Variants in DNAAF11 observed in about 807,000 individuals in gnomAD.
DNAAF11 encodes the protein dynein axonemal assembly factor 11.
In DNAAF11, 45 loss-of-function variants were observed where a neutral mutation model predicts 60.8. The ratio of observed to expected loss-of-function variants is 0.74; its 90% CI spans 0.58 to 0.95. The LOEUF (loss-of-function observed/expected upper bound fraction) is 0.95. Among genes scored for constraint, DNAAF11 ranks in the 40% least tolerant of loss-of-function variants. The pLI is 0.00. For missense variants in DNAAF11, 546 were observed against 546.2 expected (o/e 1.00, Z 0.00); for synonymous variants, 191 against 183.5 (o/e 1.04, Z -0.33).
chr8:132,589,037 T>G (rs1816196680), intron 10 of DNAAF11, among the ~76,000 whole-genome samples: 1 of 152,192 alleles, frequency 6.6e-6, no homozygotes, highest in Non-Finnish European at 1.5e-5. Context: ...GGGCATTACA[T>G]TTCAACATGA....
intron 6 of DNAAF11, among the ~76,000 whole-genome samples, chr8:132,623,996 A>G (rs1172326178): frequency 6.6e-6 from 1 of 152,174 alleles, no homozygotes; most frequent in African/African-American, 2.4e-5. Context: ...AGTGACTCAG[A>G]TCTCCATCCA....
intron 11 of DNAAF11, among the ~76,000 whole-genome samples, chr8:132,583,476 C>T (rs1049198314): frequency 6.6e-6 from 1 of 152,030 alleles, no homozygotes; most frequent in Non-Finnish European, 1.5e-5. Context: ...TATATTATGA[C>T]GAGACATTGG....
the DNAAF11 span, among the ~76,000 whole-genome samples, chr8:132,686,086 G>T: frequency 6.6e-6 from 1 of 152,302 alleles, no homozygotes; most frequent in African/African-American, 2.4e-5. Flanking sequence ...GGCTATGAAA[G>T]AAAAGTGGAG....
At chr8:132,700,423 CAT>C in the DNAAF11 span, among the ~76,000 whole-genome samples, 1 of 151,374 alleles carries the variant, frequency 6.6e-6, no homozygotes, top group Admixed American at 6.6e-5. Flanking sequence ...TAATGAATAA[CAT>C]GTGTAATCCC....
intron 4 of DNAAF11, among the ~76,000 whole-genome samples, chr8:132,635,581 A>G (rs1274991137): frequency 1.3e-5 from 2 of 152,196 alleles, no homozygotes; most frequent in Non-Finnish European, 2.9e-5. Context: ...CTTCTATGTG[A>G]CTATCTAAAA....
intron 10 of DNAAF11, among the ~76,000 whole-genome samples, chr8:132,596,397 TCTTCTGACAGTTCCC>T (rs1817021365): frequency 6.6e-6 from 1 of 152,314 alleles, no homozygotes; most frequent in East Asian, 1.9e-4. Flanking sequence ...GGAAGGTCAC[TCTTCTGACAGTTCCC>T]CATAGAAGAT....
chr8:132,676,432 A>G (rs983622771), upstream of DNAAF11, among the ~76,000 whole-genome samples: 3 of 152,330 alleles, frequency 2.0e-5, no homozygotes, highest in South Asian at 6.2e-4. Flanking sequence ...CTCCATTTGC[A>G]GAAAAAGGAG....
intron 11 of DNAAF11, among the ~76,000 whole-genome samples, chr8:132,583,223 G>A (rs188338570): frequency 1.0e-3 from 154 of 152,164 alleles, no homozygotes; most frequent in African/African-American, 3.6e-3. Flanking sequence ...AGTGACACAC[G>A]GATCATAAAA....
In DNAAF11 at chr8:132,583,765, G is replaced by C; in HGVS notation, c.1155C>G (p.Ile385Met). 1.9e-6 allele frequency: 3 copies of C among 1,612,782 alleles called. No individual in the cohort carries two copies. The highest frequency in any genetic ancestry group is 2.5e-6 in the Non-Finnish European group (3 of 1,178,970). ...VICMPKVGEV[I>M]TGGQRAFKSM... The stretch of plus-strand genomic sequence containing the variant: ...ATTTGAATGCTCGCTGACCACCTGT[G>C]ATTACTTCTCCTACCTAAAATAAAA... Residue 385 changes from isoleucine to methionine, a missense_variant, in exon 11 of 12, where the codon ATC (isoleucine) becomes ATG (methionine). Transcript: ENST00000620350.
chr8:132,615,352 G>C (rs139090169), intron 7 of DNAAF11, among the ~76,000 whole-genome samples: 3 of 152,292 alleles, frequency 2.0e-5, no homozygotes, highest in African/African-American at 7.2e-5. Flanking sequence ...CAAAAAATTA[G>C]CTTTAGTGCA....
At chr8:132,598,277 T>G (rs570600919) in intron 10 of DNAAF11, among the ~76,000 whole-genome samples, 36 of 152,264 alleles carry the variant, frequency 2.4e-4, no homozygotes, top group African/African-American at 7.9e-4. Context: ...TATTACAGGA[T>G]TCTGAAAGAA....
At chr8:132,658,154 A>G (rs778049680) in intron 2 of DNAAF11, among the ~76,000 whole-genome samples, 1 of 152,208 alleles carries the variant, frequency 6.6e-6, no homozygotes, top group Non-Finnish European at 1.5e-5. Flanking sequence ...AGACCTGAAC[A>G]TAACAGTTCA....
chr8:132,626,618 G>A (rs1820309378), intron 5 of DNAAF11, among the ~76,000 whole-genome samples: 1 of 152,156 alleles, frequency 6.6e-6, no homozygotes, highest in Admixed American at 6.5e-5. Context: ...CATAAACCAC[G>A]ATGCTACTTT....
chr8:132,672,058 T>A (rs1161502033), intron 1 of DNAAF11, among the ~76,000 whole-genome samples: 1 of 152,148 alleles, frequency 6.6e-6, no homozygotes, highest in East Asian at 1.9e-4. Flanking sequence ...AAGGAAAATA[T>A]AAGCCATAGG....
chr8:132,649,819 T>C (rs1435784052), intron 3 of DNAAF11, among the ~76,000 whole-genome samples: 1 of 152,182 alleles, frequency 6.6e-6, no homozygotes, highest in Admixed American at 6.5e-5. Flanking sequence ...CACAATGAGA[T>C]ACCATCTCAA....
intron 10 of DNAAF11, among the ~76,000 whole-genome samples, chr8:132,588,970 C>A (rs866416046): frequency 7.1e-4 from 108 of 152,254 alleles, no homozygotes; most frequent in African/African-American, 2.4e-3. Context: ...GCTGCTAAAC[C>A]ATTAGAAACT....
chr8:132,658,950 C>A (rs80306795), intron 2 of DNAAF11, among the ~76,000 whole-genome samples: 45 of 152,240 alleles, frequency 3.0e-4, no homozygotes, highest in African/African-American at 1.0e-3. Flanking sequence ...TCTAGCCAGA[C>A]CATTCTAGTA....
At chr8:132,654,728 A>G (rs999165015) in intron 3 of DNAAF11, among the ~76,000 whole-genome samples, 4 of 151,858 alleles carry the variant, frequency 2.6e-5, no homozygotes, top group African/African-American at 7.2e-5. Context: ...ATACTTTGAG[A>G]TGAATTAAAA....
chr8:132,595,003 C>T (rs1324002312), intron 10 of DNAAF11, among the ~76,000 whole-genome samples: 1 of 152,066 alleles, frequency 6.6e-6, no homozygotes, highest in Non-Finnish European at 1.5e-5. Context: ...CACTGTCCTG[C>T]TGCCACGGTC....
Sources: allele counts gnomAD v4.1 joint callset (sites outside exome capture counted in the v4.1 genomes callset), GRCh38; gene constraint gnomAD v4.1.1; transcripts MANE v1.5; gene names NCBI Gene and HGNC (gene_info 2026-07-23, HGNC 2026-07-21).